IFT57: variants seen among roughly 807,000 people sequenced by gnomAD.
IFT57 encodes intraflagellar transport 57.
A neutral mutation model predicts 56.8 loss-of-function variants in IFT57; 59 were observed. That is an observed-to-expected ratio of 1.04 (90% CI 0.84 to 1.29). The LOEUF (loss-of-function observed/expected upper bound fraction) is 1.29, where lower values mean the gene tolerates loss of function less well. Among genes scored for constraint, IFT57 ranks in the 50% most tolerant of loss-of-function variants. The pLI, the probability that IFT57 is intolerant of heterozygous loss-of-function variation, is 0.00. For missense variants in IFT57, 470 were observed against 522.1 expected, an observed-to-expected ratio of 0.90 and a Z score of 0.97; for synonymous variants, 209 against 186.1, an observed-to-expected ratio of 1.12 and a Z score of -1.00.
chr3:108,191,484 T>G, intron 6 of IFT57, 37 bp downstream of exon 6: 1 of 1,503,294 alleles, frequency 6.7e-7, no homozygotes, highest in Non-Finnish European at 8.9e-7. Flanking sequence ...TTATAACTTT[T>G]TTTTTTTTTT....
intron 6 of IFT57, among the ~76,000 whole-genome samples, chr3:108,170,350 CAAT>C (rs2080086339): frequency 6.6e-6 from 1 of 151,824 alleles, no homozygotes; most frequent in Non-Finnish European, 1.5e-5. Context: ...TCCTATATGC[CAAT>C]AATAGACAAG....
At chr3:108,214,620 T>C (rs189913407) in intron 3 of IFT57, among the ~76,000 whole-genome samples, 236 of 152,292 alleles carry the variant, frequency 1.5e-3, no homozygotes, top group African/African-American at 5.1e-3. Flanking sequence ...ATATGATATA[T>C]AATACAAACT....
chr3:108,188,612 A>C (rs1327647045), intron 6 of IFT57, among the ~76,000 whole-genome samples: 6 of 152,226 alleles, frequency 3.9e-5, no homozygotes, highest in Admixed American at 1.3e-4. Flanking sequence ...ACTTAATTTT[A>C]TAATTAATTT....
At chr3:108,220,995 G>A (rs2080403102) in intron 1 of IFT57, among the ~76,000 whole-genome samples, 2 of 152,114 alleles carry the variant, frequency 1.3e-5, no homozygotes, top group South Asian at 4.1e-4. Context: ...ATTAACATAG[G>A]AAATGTTGGT....
intron 4 of IFT57, among the ~76,000 whole-genome samples, chr3:108,213,096 A>G (rs960498881): frequency 6.6e-6 from 1 of 152,126 alleles, no homozygotes; most frequent in African/African-American, 2.4e-5. Context: ...TCTCTAGCTT[A>G]CTTTTAGTGT....
At chr3:108,166,027 A>G (rs966916864) in intron 8 of IFT57, among the ~76,000 whole-genome samples, 1 of 152,114 alleles carries the variant, frequency 6.6e-6, no homozygotes, top group Non-Finnish European at 1.5e-5. Flanking sequence ...GATAGTTAAA[A>G]TATTCATAAG....
rs2080214668 is a variant in IFT57 at position 108,191,505 on chromosome 3, GT to G, written c.777+15del. On this transcript the variant is annotated intron_variant, in intron 6 of 10. Coordinates refer to ENST00000264538, the MANE Select transcript of IFT57 (RefSeq NM_018010.4). ...CTTTTTTTTTTTTTTAAGAAAATGT[GT>G]TCCCACTTTGATACCTTATTGTCAG... The G allele has an allele frequency of 1.0e-5, 15 of 1,478,052 alleles. No homozygotes were observed. The highest frequency in any genetic ancestry group is 1.4e-5 in the Non-Finnish European group (15 of 1,102,760). The allele number at this position is 1,478,052 out of a possible 1,614,324, so 91.6% of individuals were successfully genotyped here. A position where few individuals can be genotyped will look rare whatever the true frequency, so the allele number is the denominator to read the frequency against.
chr3:108,218,752 T>C, intron 2 of IFT57, 99 bp from the exon 3 acceptor site: 1 of 526,978 alleles, frequency 1.9e-6, no homozygotes, highest in Non-Finnish European at 3.4e-6. Flanking sequence ...ATCACTTTTC[T>C]TTCAAATGAT....
Position 108,162,335 on chromosome 3 carries a change from A to T in IFT57, c.*142T>A. ...TCAGTGTAAAGGCTTTAACCATCAT[A>T]ATCACCATGATATAATATGTGAGTA... On this transcript the variant is annotated 3_prime_UTR_variant, in exon 11 of 11. Transcript: ENST00000264538. The T allele has an allele frequency of 1.8e-6, 1 of 548,912 alleles. No homozygotes were observed. Among genetic ancestry groups the T allele is most frequent in the Non-Finnish European group, 3.1e-6 (1 of 320,272 alleles). The allele number at this position is 548,912 out of a possible 1,614,324, so 34.0% of individuals were successfully genotyped here. A position where few individuals can be genotyped will look rare whatever the true frequency, so the allele number is the denominator to read the frequency against.
At chr3:108,185,515 C>T (rs890480767) in intron 6 of IFT57, among the ~76,000 whole-genome samples, 8 of 147,114 alleles carry the variant, frequency 5.4e-5, no homozygotes, top group African/African-American at 1.3e-4. Flanking sequence ...AAAAGTGCCA[C>T]GAAGACATTT....
chr3:108,210,054 ATTGTT>A (rs912393820), intron 4 of IFT57, among the ~76,000 whole-genome samples: 1 of 152,176 alleles, frequency 6.6e-6, no homozygotes, highest in African/African-American at 2.4e-5. Context: ...GGCTTAGAAA[ATTGTT>A]TTGTAAACTA....
intron 6 of IFT57, among the ~76,000 whole-genome samples, chr3:108,170,231 A>G (rs1432930848): frequency 6.6e-6 from 1 of 152,030 alleles, no homozygotes; most frequent in Non-Finnish European, 1.5e-5. Context: ...AGATAACATA[A>G]TTGCATATTT....
At chr3:108,209,319 T>C (rs753954273) in intron 4 of IFT57, among the ~76,000 whole-genome samples, 1 of 152,222 alleles carries the variant, frequency 6.6e-6, no homozygotes, top group East Asian at 1.9e-4. Context: ...ATATCACTTA[T>C]GGACTTTATC....
At chr3:108,169,148 A>T (rs1223146987) in intron 6 of IFT57, among the ~76,000 whole-genome samples, 1 of 151,990 alleles carries the variant, frequency 6.6e-6, no homozygotes, top group Non-Finnish European at 1.5e-5. Flanking sequence ...CATCCTCACT[A>T]GCAGCTGTTG....
intron 6 of IFT57, among the ~76,000 whole-genome samples, chr3:108,171,084 A>G (rs2080089667): frequency 6.6e-6 from 1 of 151,926 alleles, no homozygotes; most frequent in African/African-American, 2.4e-5. Context: ...GAGTAAAAGG[A>G]TATTTTGTGA....
At chr3:108,188,098 C>T (rs1484238975) in intron 6 of IFT57, among the ~76,000 whole-genome samples, 2 of 152,020 alleles carry the variant, frequency 1.3e-5, no homozygotes, top group African/African-American at 4.8e-5. Context: ...TCCTCCCACC[C>T]CACAACAGGC....
chr3:108,176,111 T>C (rs992388908), intron 6 of IFT57, among the ~76,000 whole-genome samples: 3 of 151,896 alleles, frequency 2.0e-5, no homozygotes, highest in African/African-American at 4.8e-5. Context: ...CCCACAATTA[T>C]AATGGTAATT....
chr3:108,191,494 TAAGAA>T, intron 6 of IFT57, 22 bp downstream of exon 6: 1 of 1,503,736 alleles, frequency 6.7e-7, no homozygotes, highest in Admixed American at 2.3e-5. Context: ...TTTTTTTTTT[TAAGAA>T]AATGTGTTCC....
At chr3:108,174,577 G>A (rs1422256074) in intron 6 of IFT57, among the ~76,000 whole-genome samples, 1 of 151,760 alleles carries the variant, frequency 6.6e-6, no homozygotes, top group East Asian at 1.9e-4. Context: ...TTCTCTTTAA[G>A]AGGTTTATGA....
Sources: allele counts gnomAD v4.1 joint callset (sites outside exome capture counted in the v4.1 genomes callset), GRCh38; gene constraint gnomAD v4.1.1; transcripts MANE v1.5; gene names NCBI Gene and HGNC (gene_info 2026-07-23, HGNC 2026-07-21).